The following SNURF variants were observed in gnomAD, a reference collection of about 807,000 sequenced individuals.
SNURF encodes the protein SNURF protein.
In SNURF, 6 loss-of-function variants were observed where a neutral mutation model predicts 11.6. The observed-to-expected ratio is 0.52, with a 90% CI of 0.28 to 1.02. The LOEUF (loss-of-function observed/expected upper bound fraction) is 1.02. Ranked by LOEUF, SNURF falls within the 50% of genes least tolerant of loss-of-function variation. The probability of loss-of-function intolerance (pLI) is 0.09; values close to 1 mark genes in which losing one functional copy is unlikely to be tolerated. For synonymous variants in SNURF, 29 were observed against 31.6 expected (o/e 0.92, Z 0.27); for missense variants, 84 against 88.4 (o/e 0.95, Z 0.20).
chr15:24,958,605 T>A lies in SNURF; in HGVS notation c.15-3509T>A, dbSNP rs576070780. On this transcript the variant is annotated intron_variant, in intron 1 of 2. Coordinates refer to ENST00000577949, the Ensembl canonical transcript of SNURF. The stretch of plus-strand genomic sequence containing the variant: ...ATATCCTCTCCCTCCTCAGTCTCTC[T>A]CTGGCCACTGTGGCTGGCCCAAATT... 6.0e-5 allele frequency: 9 copies of A among 149,822 alleles called. No individual in the cohort carries two copies. In the South Asian group the frequency reaches 1.5e-3, roughly 25 times the overall value. The allele number at this position is 149,822 out of a possible 1,614,324, so 9.3% of individuals were successfully genotyped here.
At chr15:24,960,272 TTA>T (rs2074555611) in intron 1 of SNURF, among the ~76,000 whole-genome samples, 1 of 152,196 alleles carries the variant, frequency 6.6e-6, no homozygotes, top group African/African-American at 2.4e-5. Context: ...ATATAACACT[TTA>T]TGTTTCCACC....
intron 1 of SNURF, 76 bp from the exon 2 acceptor site, chr15:24,962,038 A>T: frequency 8.3e-7 from 1 of 1,206,008 alleles, no homozygotes; most frequent in Non-Finnish European, 1.2e-6. Flanking sequence ...ATGTAGTTCT[A>T]AATATAACCT....
chr15:24,968,947 A>G (rs2076045092), downstream of SNURF: 1 of 151,432 alleles, frequency 6.6e-6, no homozygotes, highest in Non-Finnish European at 1.5e-5. Context: ...CTTTTTTTCT[A>G]CTTTAAGTTT....
chr15:24,969,198 G>A (rs1003606023), downstream of SNURF, among the ~76,000 whole-genome samples: 4 of 151,846 alleles, frequency 2.6e-5, no homozygotes, highest in Admixed American at 6.6e-5. Flanking sequence ...GTATGGTTTC[G>A]GCTCACTGCA....
intron 1 of SNURF, among the ~76,000 whole-genome samples, chr15:24,955,332 G>A (rs570668357): frequency 6.6e-6 from 1 of 152,126 alleles, no homozygotes; most frequent in East Asian, 2.0e-4. Context: ...GGGTGTCTGC[G>A]GTGGGAAGGG....
chr15:24,975,094 A>C (rs1417864193), intron 3 of SNURF: 1 of 645,964 alleles, frequency 1.5e-6, no homozygotes, highest in African/African-American at 1.8e-5. Context: ...TGGACAGTTT[A>C]GAGCATGCAT....
chr15:24,977,973 T>C, downstream of SNURF: 1 of 1,467,160 alleles, frequency 6.8e-7, no homozygotes. Context: ...GATAGCTTAC[T>C]GATTTAAGAC....
chr15:24,972,928 C>T (rs2076610278), downstream of SNURF, among the ~76,000 whole-genome samples: 1 of 152,136 alleles, frequency 6.6e-6, no homozygotes, highest in Admixed American at 6.5e-5. Flanking sequence ...TGCTCTGTTG[C>T]CCAGGCTGGA....
chr15:24,956,859 A>G (rs1376610632), intron 1 of SNURF, among the ~76,000 whole-genome samples: 1 of 152,176 alleles, frequency 6.6e-6, no homozygotes, highest in Non-Finnish European at 1.5e-5. Context: ...GCACTGGGCT[A>G]CTGCTTTTCA....
intron 1 of SNURF, among the ~76,000 whole-genome samples, chr15:24,955,910 G>A (rs1206396866): frequency 2.0e-5 from 3 of 152,080 alleles, no homozygotes; most frequent in African/African-American, 7.2e-5. Context: ...AAGGGACGCT[G>A]AATGATTGCT....
intron 1 of SNURF, among the ~76,000 whole-genome samples, chr15:24,958,241 CA>C (rs2063232546): frequency 6.6e-6 from 1 of 152,022 alleles, no homozygotes; most frequent in Non-Finnish European, 1.5e-5. Flanking sequence ...TCAAGGATGC[CA>C]AGATAACCTC....
In SNURF at chr15:24,959,642, T is replaced by C. The variant is rs192127132; in HGVS notation, c.15-2472T>C. Among the ~76,000 whole-genome samples the C allele has an allele frequency of 2.1e-3, 315 of 152,330 alleles. 1 individual carries two copies. Among genetic ancestry groups the C allele is most frequent in the Non-Finnish European group, 3.3e-3 (226 of 68,026 alleles). On this transcript the variant is annotated intron_variant, in intron 1 of 2. Coordinates refer to ENST00000577949, the Ensembl canonical transcript of SNURF. ...ATGGTTTAGTTGATAGTTTCTTTAA[T>C]TGTATTATATTAAGGTACTACATTA... is the stretch of plus-strand genomic sequence containing the variant.
At chr15:24,973,047 C>T (rs1429161600), downstream of SNURF, among the ~76,000 whole-genome samples, 6 of 152,050 alleles carry the variant, frequency 3.9e-5, no homozygotes, top group African/African-American at 1.2e-4. Flanking sequence ...GCCACCACAC[C>T]CAGCTAATGT....
At chr15:24,977,106 A>C (rs2077144732) in intron 6 of SNURF, 1 of 1,190,624 alleles carries the variant, frequency 8.4e-7, no homozygotes, top group Non-Finnish European at 1.2e-6. Context: ...TAAAAACCTA[A>C]GTGTATGTGT....
chr15:24,975,431 T>A, exon 4 of SNURF: 1 of 1,613,390 alleles, frequency 6.2e-7, no homozygotes, highest in East Asian at 2.2e-5. Context: ...GATGGCCGAA[T>A]CTTCATTGGC....
intron 3 of SNURF, chr15:24,974,541 T>A (rs2076840880): frequency 7.8e-7 from 1 of 1,281,830 alleles, no homozygotes. Context: ...TGATCTTGGG[T>A]TCTGAATGTT....
intron 3 of SNURF, chr15:24,974,851 A>T: frequency 2.9e-6 from 2 of 695,376 alleles, no homozygotes. Context: ...GAGATGAGCC[A>T]CTGTGCCTGG....
intron 1 of SNURF, among the ~76,000 whole-genome samples, chr15:24,956,078 G>A (rs1224704935): frequency 6.6e-6 from 1 of 152,122 alleles, no homozygotes; most frequent in African/African-American, 2.4e-5. Flanking sequence ...GCAGAAATGC[G>A]TGGAATCCTT....
rs3851676 is a variant in SNURF at position 24,966,691 on chromosome 15, A to T, written c.111-1241A>T. ...TAAATTCCAAGGATGTATAGGATGT[A>T]TAGGTTACTTCCCAGGAACCAGGAG... On this transcript the variant is annotated intron_variant, in intron 2 of 2. Coordinates refer to ENST00000577949, the Ensembl canonical transcript of SNURF. Among the ~76,000 whole-genome samples the T allele has an allele frequency of 4.5e-3, 687 of 152,310 alleles. 4 individuals carry two copies. Among genetic ancestry groups the T allele is most frequent in the African/African-American group, 0.016 (649 of 41,568 alleles).
Sources: gnomAD v4.1 joint callset for allele counts (sites outside exome capture counted in the v4.1 genomes callset) on GRCh38, gnomAD v4.1.1 for gene constraint, MANE v1.5 for transcripts, NCBI Gene and HGNC (gene_info 2026-07-23, HGNC 2026-07-21) for gene names.